MYO1D: variants seen among roughly 807,000 people sequenced by gnomAD.
MYO1D encodes the protein myosin ID, also known as unconventional myosin-Id.
Under a neutral mutation model 122.0 loss-of-function variants are expected in MYO1D, and 83 were observed. The observed-to-expected ratio is 0.68, with a 90% CI of 0.57 to 0.82. The LOEUF (loss-of-function observed/expected upper bound fraction) is 0.82, where lower values mean the gene tolerates loss of function less well. MYO1D is among the 40% of genes least tolerant of loss of function. MYO1D has a pLI of 0.00. For synonymous variants in MYO1D, 464 were observed against 446.9 expected (o/e 1.04, Z -0.48); for missense variants, 1,157 against 1,269.5 (o/e 0.91, Z 1.35).
intron 11 of MYO1D, among the ~76,000 whole-genome samples, chr17:32,750,361 C>A (rs2089886099): frequency 6.6e-6 from 1 of 152,172 alleles, no homozygotes. Flanking sequence ...CGTCTGTAAT[C>A]CCAGCACTTT....
At chr17:32,733,441 A>T (rs1057177072) in intron 14 of MYO1D, among the ~76,000 whole-genome samples, 1 of 152,188 alleles carries the variant, frequency 6.6e-6, no homozygotes, top group Non-Finnish European at 1.5e-5. Context: ...CTAAAAGCTC[A>T]CTTATGATTA....
chr17:32,843,037 C>T (rs981278849), intron 1 of MYO1D, among the ~76,000 whole-genome samples: 5 of 151,774 alleles, frequency 3.3e-5, no homozygotes, highest in East Asian at 1.9e-4. Context: ...TACAGGCACC[C>T]GCCACCATGG....
In MYO1D at chr17:32,772,833, T is replaced by C. The variant is rs1178606609; in HGVS notation, c.574A>G (p.Ile192Val). The change falls in exon 5 of 22, where the codon ATT becomes GTT. Residue 192 changes from isoleucine (I) to valine (V), a missense_variant. Transcript: ENST00000318217. The stretch of plus-strand genomic sequence containing the variant: ...CTTCTTTCTCCTGGCTGTTGCACAA[T>C]CACTCGAGACTAAGAAAAAACACAT... ...NNYLLEKSRV[I>V]VQQPGERSFH... The C allele has an allele frequency of 6.2e-7, 1 of 1,613,546 alleles. No homozygotes were observed. Among genetic ancestry groups the C allele is most frequent in the Admixed American group, 1.7e-5 (1 of 60,012 alleles).
chr17:32,771,138 C>G lies in MYO1D; in HGVS notation c.701G>C (p.Gly234Ala). ...GGAAATTCTCACCTTTAATTGAGCT[C>G]CCACATGAATATAGTTGTAGGATGA... The part of the protein sequence containing the change: ...SLSSYNYIHV[G>A]AQLKSSINDA... Residue 234 changes from glycine (G) to alanine (A), a missense_variant, in exon 6 of 22, where the codon GGA becomes GCA. Transcript: ENST00000318217. 1 of 1,603,812 alleles carries G rather than the reference C, an allele frequency of 6.2e-7. No individual in the cohort carries two copies. Among genetic ancestry groups the G allele is most frequent in the Non-Finnish European group, 8.5e-7 (1 of 1,171,058 alleles).
chr17:32,653,405 G>A (rs957780023), intron 19 of MYO1D, among the ~76,000 whole-genome samples: 2 of 151,718 alleles, frequency 1.3e-5, no homozygotes, highest in South Asian at 2.1e-4. Flanking sequence ...TCAGGAGTTC[G>A]AGACCAGCCT....
chr17:32,535,610 G>A (rs1401427739), intron 21 of MYO1D, among the ~76,000 whole-genome samples: 3 of 152,164 alleles, frequency 2.0e-5, no homozygotes, highest in South Asian at 2.1e-4. Context: ...AATTAGCTGG[G>A]TGTGGTGGTG....
At chr17:32,657,172 A>C (rs2088488556) in intron 17 of MYO1D, among the ~76,000 whole-genome samples, 1 of 152,246 alleles carries the variant, frequency 6.6e-6, no homozygotes, top group South Asian at 2.1e-4. Context: ...AAAAAGAATT[A>C]CTGTGAAGAA....
chr17:32,870,404 T>C (rs1033626569), intron 1 of MYO1D, among the ~76,000 whole-genome samples: 3 of 152,208 alleles, frequency 2.0e-5, no homozygotes, highest in Admixed American at 6.5e-5. Flanking sequence ...TGGGTTTTTT[T>C]CCCTGGCAAG....
chr17:32,495,372 A>G (rs1258252170), intron 21 of MYO1D, among the ~76,000 whole-genome samples: 4 of 152,178 alleles, frequency 2.6e-5, no homozygotes, highest in Admixed American at 1.3e-4. Context: ...CGGCTGGTGG[A>G]AGTGGGCCTG....
At chr17:32,730,325 A>G (rs994394919) in intron 14 of MYO1D, among the ~76,000 whole-genome samples, 3 of 152,102 alleles carry the variant, frequency 2.0e-5, no homozygotes, top group African/African-American at 7.2e-5. Flanking sequence ...TTGATATGCA[A>G]TTGTTACTGT....
intron 21 of MYO1D, among the ~76,000 whole-genome samples, chr17:32,515,071 C>T (rs188578504): frequency 2.6e-5 from 4 of 152,136 alleles, no homozygotes; most frequent in African/African-American, 9.7e-5. Flanking sequence ...TGCCTGGCAT[C>T]GAGTAAGTGC....
In MYO1D at chr17:32,760,612, G is replaced by A. The variant is rs1281212605; in HGVS notation, c.1051C>T (p.Leu351Phe). ...DAFAKAIYERLFCWIVTRIND... is the reference protein window; with the variant it reads ...DAFAKAIYERFFCWIVTRIND... ...ATGCGAGTAACGATCCAACAAAAAA[G>A]GCGCTCATATATTGCCTGCAAGGAA... The change falls in exon 9 of 22, where the codon CTT becomes TTT. Residue 351 changes from leucine (L) to phenylalanine (F), a missense_variant. Transcript: ENST00000318217. 2 of 1,608,630 alleles carry A rather than the reference G, an allele frequency of 1.2e-6. No homozygotes were observed. Among genetic ancestry groups the A allele is most frequent in the Non-Finnish European group, 8.5e-7 (1 of 1,178,166 alleles).
At chr17:32,778,252 T>C (rs1008960465) in intron 3 of MYO1D, among the ~76,000 whole-genome samples, 3 of 152,240 alleles carry the variant, frequency 2.0e-5, no homozygotes, top group Non-Finnish European at 2.9e-5. Flanking sequence ...AAGCTTACCA[T>C]AGTATTATTT....
intron 20 of MYO1D, among the ~76,000 whole-genome samples, chr17:32,635,699 CG>C (rs541616860): frequency 7.9e-5 from 12 of 151,520 alleles, no homozygotes; most frequent in East Asian, 1.9e-4. Flanking sequence ...TCTCGGGTGG[CG>C]GGGGGGTGGA....
chr17:32,682,576 G>A lies in MYO1D; in HGVS notation c.2122-23238C>T, dbSNP rs541899133. On this transcript the variant is annotated intron_variant, in intron 16 of 21. Transcript: ENST00000318217. ...CTTTTTTTTAAGAATGTTGAATATT[G>A]GCCCCCACTCTCTTCTGGCTTGTAG... Among the ~76,000 whole-genome samples the A allele has an allele frequency of 4.2e-3, 626 of 149,556 alleles. 4 individuals carry two copies. Among genetic ancestry groups the A allele is most frequent in the Non-Finnish European group, 6.6e-3 (450 of 67,860 alleles).
chr17:32,713,569 AAT>A (rs1457758404), intron 15 of MYO1D, among the ~76,000 whole-genome samples: 4 of 152,228 alleles, frequency 2.6e-5, no homozygotes, highest in Non-Finnish European at 5.9e-5. Context: ...GAATTCAGTG[AAT>A]AAACAATTTT....
intron 8 of MYO1D, among the ~76,000 whole-genome samples, chr17:32,762,424 T>C (rs181230868): frequency 2.9e-4 from 44 of 152,246 alleles, no homozygotes; most frequent in Admixed American, 2.7e-3. Flanking sequence ...TTTCAAATCA[T>C]CCTCCTCTCC....
At chr17:32,699,881 C>CA (rs1400990059) in intron 16 of MYO1D, among the ~76,000 whole-genome samples, 1 of 152,026 alleles carries the variant, frequency 6.6e-6, no homozygotes, top group African/African-American at 2.4e-5. Flanking sequence ...ATTATACTCA[C>CA]AAAAAATCAC....
intron 17 of MYO1D, among the ~76,000 whole-genome samples, chr17:32,655,779 G>A (rs576024601): frequency 6.6e-6 from 1 of 152,340 alleles, no homozygotes; most frequent in South Asian, 2.1e-4. Context: ...CCTGACTCAT[G>A]CTTTAAAAGG....
Sources: gnomAD v4.1 joint callset for allele counts (sites outside exome capture counted in the v4.1 genomes callset) on GRCh38, gnomAD v4.1.1 for gene constraint, MANE v1.5 for transcripts, NCBI Gene and HGNC (gene_info 2026-07-23, HGNC 2026-07-21) for gene names.